Variants in ATOSA observed in about 807,000 individuals in gnomAD.
ATOSA encodes atos homolog A.
the ATOSA span, among the ~76,000 whole-genome samples, chr15:52,590,984 T>C: frequency 1.3e-5 from 2 of 152,212 alleles, no homozygotes; most frequent in Non-Finnish European, 2.9e-5. Context: ...TGCGTGTACA[T>C]CTCTAGTACT....
At chr15:52,663,742 T>A in the ATOSA span, among the ~76,000 whole-genome samples, 1 of 152,164 alleles carries the variant, frequency 6.6e-6, no homozygotes, top group African/African-American at 2.4e-5. Flanking sequence ...CATCTCAGCA[T>A]CCCAAGAGCT....
At chr15:52,616,055 A>C in the ATOSA span, among the ~76,000 whole-genome samples, 14 of 152,236 alleles carry the variant, frequency 9.2e-5, no homozygotes, top group African/African-American at 2.4e-4. Context: ...CCCAGGTTAA[A>C]AAATACATGG....
the ATOSA span, among the ~76,000 whole-genome samples, chr15:52,607,484 G>T: frequency 2.6e-5 from 4 of 152,172 alleles, no homozygotes; most frequent in African/African-American, 9.7e-5. Flanking sequence ...CTTGATTATT[G>T]TGAGGTAGTA....
chr15:52,677,963 G>C, the ATOSA span: 2 of 1,613,516 alleles, frequency 1.2e-6, no homozygotes, highest in Non-Finnish European at 1.7e-6. Flanking sequence ...GCATAGAAAA[G>C]AAGGGGGTGG....
At chr15:52,705,382 C>T in the ATOSA span, among the ~76,000 whole-genome samples, 14 of 152,108 alleles carry the variant, frequency 9.2e-5, no homozygotes, top group Admixed American at 9.2e-4. Flanking sequence ...GGAGGGATAG[C>T]TTTAGGAGAA....
the ATOSA span, chr15:52,600,105 G>A: frequency 9.0e-6 from 12 of 1,327,402 alleles, no homozygotes; most frequent in East Asian, 2.3e-4. Context: ...TTCATTTAAA[G>A]AACAGTTTCA....
At chr15:52,632,099 G>A in the ATOSA span, among the ~76,000 whole-genome samples, 143 of 152,260 alleles carry the variant, frequency 9.4e-4, no homozygotes, top group Middle Eastern at 3.4e-3. Flanking sequence ...TTATAGGAAG[G>A]TAGCTGTATA....
At chr15:52,642,416 G>A in the ATOSA span, among the ~76,000 whole-genome samples, 81 of 152,280 alleles carry the variant, frequency 5.3e-4, no homozygotes, top group African/African-American at 1.7e-3. Flanking sequence ...GAAGGTATGT[G>A]AAACTAGATG....
At chr15:52,694,137 C>T in the ATOSA span, among the ~76,000 whole-genome samples, 2,725 of 147,408 alleles carry the variant, frequency 0.018, 33 homozygotes, top group South Asian at 0.049. Context: ...TGTGTGTGTG[C>T]GTGTGTGTGT....
the ATOSA span, among the ~76,000 whole-genome samples, chr15:52,702,089 G>A: frequency 6.6e-6 from 1 of 152,040 alleles, no homozygotes; most frequent in African/African-American, 2.4e-5. Context: ...ATACCAGTCC[G>A]AATGGCTATA....
At chr15:52,602,634 C>A in the ATOSA span, among the ~76,000 whole-genome samples, 12 of 152,082 alleles carry the variant, frequency 7.9e-5, no homozygotes, top group African/African-American at 2.9e-4. Flanking sequence ...AGTATAAATT[C>A]AGAACCCCTA....
the ATOSA span, chr15:52,582,303 G>A: frequency 6.4e-7 from 1 of 1,567,244 alleles, no homozygotes; most frequent in Non-Finnish European, 8.6e-7. Flanking sequence ...TTAGAACTCT[G>A]GAACCTAAAC....
At chr15:52,670,289 C>G in the ATOSA span, among the ~76,000 whole-genome samples, 6 of 152,306 alleles carry the variant, frequency 3.9e-5, no homozygotes, top group South Asian at 1.0e-3. Context: ...CAGAGGAAAC[C>G]ATTTAGCAAT....
At chr15:52,662,458 C>CA in the ATOSA span, among the ~76,000 whole-genome samples, 1 of 152,028 alleles carries the variant, frequency 6.6e-6, no homozygotes, top group Admixed American at 6.6e-5. Context: ...ACTACTCTGA[C>CA]AAAAAGAGTA....
the ATOSA span, among the ~76,000 whole-genome samples, chr15:52,697,088 T>C: frequency 1.3e-5 from 2 of 152,234 alleles, no homozygotes; most frequent in African/African-American, 2.4e-5. Context: ...CCATCTTCAC[T>C]TGGCTAACTT....
the ATOSA span, among the ~76,000 whole-genome samples, chr15:52,704,912 T>C: frequency 1.3e-5 from 2 of 152,184 alleles, no homozygotes; most frequent in Non-Finnish European, 2.9e-5. Context: ...GGTGGGAGTG[T>C]AAATTAATTC....
chr15:52,667,600 C>A, the ATOSA span, among the ~76,000 whole-genome samples: 5 of 152,310 alleles, frequency 3.3e-5, no homozygotes, highest in East Asian at 9.6e-4. Context: ...TGGTTTGTAG[C>A]ACTGCCAATT....
chr15:52,661,980 CA>C, the ATOSA span, among the ~76,000 whole-genome samples: 1 of 135,560 alleles, frequency 7.4e-6, no homozygotes, highest in African/African-American at 2.7e-5. Flanking sequence ...AATGAATGAT[CA>C]AATCTTAGAC....
At chr15:52,646,609 A>G in the ATOSA span, among the ~76,000 whole-genome samples, 1 of 152,190 alleles carries the variant, frequency 6.6e-6, no homozygotes. Flanking sequence ...TGGAGCACAT[A>G]TGGGAACATT....
Sources: gnomAD v4.1 joint callset for allele counts (sites outside exome capture counted in the v4.1 genomes callset) on GRCh38, gnomAD v4.1.1 for gene constraint, MANE v1.5 for transcripts, NCBI Gene and HGNC (gene_info 2026-07-23, HGNC 2026-07-21) for gene names.